The following MSRA variants were observed in gnomAD, a reference collection of about 807,000 sequenced individuals.
MSRA encodes the protein methionine sulfoxide reductase A, also known as mitochondrial peptide methionine sulfoxide reductase.
Under a neutral mutation model 31.3 loss-of-function variants are expected in MSRA, and 54 were observed. The ratio of observed to expected loss-of-function variants is 1.73; its 90% CI spans 1.39 to 2.17. The LOEUF (loss-of-function observed/expected upper bound fraction) is 2.17. MSRA is among the 30% of genes most tolerant of loss of function. The pLI is 0.00. For missense variants in MSRA, 507 were observed against 300.9 expected, an observed-to-expected ratio of 1.69 and a Z score of -5.07; for synonymous variants, 169 against 116.5, an observed-to-expected ratio of 1.45 and a Z score of -2.90.
chr8:10,301,465 G>T, intron 3 of MSRA, 69 bp from the exon 4 acceptor site: 3 of 1,221,138 alleles, frequency 2.5e-6, no homozygotes, highest in African/African-American at 1.5e-5. Context: ...TGTTTTTTTT[G>T]TGAACAAAAA....
intron 4 of MSRA, among the ~76,000 whole-genome samples, chr8:10,313,800 C>A (rs1403765365): frequency 6.6e-6 from 1 of 152,150 alleles, no homozygotes; most frequent in African/African-American, 2.4e-5. Flanking sequence ...AAAGCTACAG[C>A]TGTTAAGACA....
intron 2 of MSRA, among the ~76,000 whole-genome samples, chr8:10,233,434 A>G (rs1811665566): frequency 6.6e-6 from 1 of 152,262 alleles, no homozygotes; most frequent in South Asian, 2.1e-4. Flanking sequence ...AAAGCATTTT[A>G]AAATGTGTGT....
At chr8:10,351,958 G>C (rs573814868) in intron 5 of MSRA, among the ~76,000 whole-genome samples, 14 of 152,230 alleles carry the variant, frequency 9.2e-5, no homozygotes, top group Non-Finnish European at 1.8e-4. Context: ...TGTGGTTGTT[G>C]ACTGCGATGA....
At chr8:10,344,346 C>G (rs779950189) in intron 5 of MSRA, among the ~76,000 whole-genome samples, 1 of 151,526 alleles carries the variant, frequency 6.6e-6, no homozygotes, top group Non-Finnish European at 1.5e-5. Context: ...TCCACCGAGG[C>G]AGGTGGATCA....
chr8:10,283,990 G>C (rs1401500610), intron 3 of MSRA, among the ~76,000 whole-genome samples: 1 of 151,340 alleles, frequency 6.6e-6, no homozygotes, highest in African/African-American at 2.4e-5. Context: ...TTTGTATTAT[G>C]ACTTCTTTTC....
At chr8:10,151,816 C>T (rs10088890) in intron 1 of MSRA, among the ~76,000 whole-genome samples, 13,068 of 152,206 alleles carry the variant, frequency 0.086, 758 homozygotes, top group African/African-American at 0.17. Flanking sequence ...TCTTATTCTG[C>T]GTGTGTCACT....
intron 3 of MSRA, among the ~76,000 whole-genome samples, chr8:10,246,882 A>G (rs899861570): frequency 6.6e-6 from 1 of 152,216 alleles, no homozygotes; most frequent in African/African-American, 2.4e-5. Context: ...ATAGACTCAA[A>G]TGAATCCTGG....
rs1281523339 is a variant in MSRA, at chr8:10,245,142, G to A, written c.250G>A (p.Val84Ile). ...CTGGGGAGCTGAAAGGAAATTCTGG[G>A]TCTTGAAAGGAGTGTATTCAACTCA... is the stretch of plus-strand genomic sequence containing the variant. ...CFWGAERKFW[V>I]LKGVYSTQVG... The change falls in exon 3 of 6, where the codon GTC becomes ATC. Residue 84 changes from valine to isoleucine, a missense_variant. By Grantham distance (29) the Val-to-Ile change is conservative. Coordinates refer to ENST00000317173, the MANE Select transcript of MSRA (RefSeq NM_012331.5). The A allele has an allele frequency of 1.9e-6, 3 of 1,613,332 alleles. No homozygotes were observed. The highest frequency in any genetic ancestry group is 1.7e-5 in the Admixed American group (1 of 59,958).
intron 5 of MSRA, among the ~76,000 whole-genome samples, chr8:10,372,975 C>G (rs992466029): frequency 6.6e-6 from 1 of 152,226 alleles, no homozygotes; most frequent in African/African-American, 2.4e-5. Context: ...TTGCAACCTC[C>G]GCCTCTGAGG....
intron 1 of MSRA, among the ~76,000 whole-genome samples, chr8:10,148,707 C>A (rs1563151826): frequency 1.4e-5 from 2 of 145,012 alleles, no homozygotes; most frequent in Non-Finnish European, 3.0e-5. Context: ...GAGGCCGAGG[C>A]AGGAGGATTG....
intron 5 of MSRA, among the ~76,000 whole-genome samples, chr8:10,371,098 G>A (rs918227818): frequency 6.6e-6 from 1 of 152,198 alleles, no homozygotes; most frequent in South Asian, 2.1e-4. Context: ...CCGCAATCCC[G>A]ATGAAGGTGC....
intron 4 of MSRA, among the ~76,000 whole-genome samples, chr8:10,309,027 C>T (rs529452535): frequency 6.6e-6 from 1 of 152,350 alleles, no homozygotes; most frequent in South Asian, 2.1e-4. Context: ...GCTCCTTCTC[C>T]TTTAAGTCTC....
chr8:10,170,740 T>A lies in MSRA; in HGVS notation c.143-37093T>A, dbSNP rs10092068. Among the ~76,000 whole-genome samples the A allele has an allele frequency of 1.6e-3, 242 of 152,332 alleles. 1 individual carries two copies. The highest frequency in any genetic ancestry group is 5.3e-3 in the African/African-American group (221 of 41,572). On this transcript the variant is annotated intron_variant, in intron 1 of 5. Coordinates refer to ENST00000317173, the MANE Select transcript of MSRA (RefSeq NM_012331.5). ...TTGGGCATCCTCAGATTTTGCTACC[T>A]ATGGGGTTTTGGAACCAACCCCTTG...
At chr8:10,257,345 A>C (rs1423290941) in intron 3 of MSRA, among the ~76,000 whole-genome samples, 1 of 152,200 alleles carries the variant, frequency 6.6e-6, no homozygotes, top group East Asian at 1.9e-4. Context: ...TTGGGTCTCA[A>C]TGCATTGGAC....
intron 5 of MSRA, among the ~76,000 whole-genome samples, chr8:10,418,796 A>G (rs1808630476): frequency 8.9e-6 from 1 of 112,404 alleles, no homozygotes; most frequent in Non-Finnish European, 1.7e-5. Context: ...ATTTTATGTT[A>G]TGTGTATTTT....
chr8:10,127,504 G>A (rs992310422), intron 1 of MSRA, among the ~76,000 whole-genome samples: 1 of 152,152 alleles, frequency 6.6e-6, no homozygotes, highest in African/African-American at 2.4e-5. Flanking sequence ...TCAGTTCAGA[G>A]ATCATGCTGG....
intron 3 of MSRA, among the ~76,000 whole-genome samples, chr8:10,300,124 T>TTGTGTGTGTGTGTG (rs10682921): frequency 6.7e-6 from 1 of 149,556 alleles, no homozygotes; most frequent in South Asian, 2.1e-4. Context: ...TGGAAGAAAT[T>TTGTGTGTGTGTGTG]TGTGTGTGTG....
intron 3 of MSRA, among the ~76,000 whole-genome samples, chr8:10,245,794 C>T (rs377024894): frequency 2.2e-4 from 34 of 152,174 alleles, no homozygotes; most frequent in African/African-American, 7.7e-4. Flanking sequence ...GTTTGTGTTA[C>T]GTTCACTTTT....
At chr8:10,255,321 C>A (rs1798119954) in intron 3 of MSRA, among the ~76,000 whole-genome samples, 2 of 152,196 alleles carry the variant, frequency 1.3e-5, no homozygotes, top group South Asian at 4.1e-4. Context: ...TAATTCTCTG[C>A]CTCCTTAGAG....
Sources: allele counts gnomAD v4.1 joint callset (sites outside exome capture counted in the v4.1 genomes callset), GRCh38; gene constraint gnomAD v4.1.1; transcripts MANE v1.5; gene names NCBI Gene and HGNC (gene_info 2026-07-23, HGNC 2026-07-21).